The following ATXN1 variants were observed in gnomAD, a reference collection of about 807,000 sequenced individuals.
The protein encoded by ATXN1 is ataxin 1.
A neutral mutation model predicts 56.4 loss-of-function variants in ATXN1; 8 were observed. That is an observed-to-expected ratio of 0.14 (90% CI 0.08 to 0.26). The LOEUF (loss-of-function observed/expected upper bound fraction) is 0.26. ATXN1 is among the 10% of genes least tolerant of loss of function. The probability of loss-of-function intolerance (pLI) is 1.00; values close to 1 mark genes in which losing one functional copy is unlikely to be tolerated. For missense variants in ATXN1, 987 were observed against 1,106.5 expected (o/e 0.89, Z 1.53); for synonymous variants, 514 against 494.6 (o/e 1.04, Z -0.52).
At chr6:16,509,772 C>T (rs879685307) in intron 5 of ATXN1, among the ~76,000 whole-genome samples, 1 of 152,188 alleles carries the variant, frequency 6.6e-6, no homozygotes, top group Non-Finnish European at 1.5e-5. Flanking sequence ...TTCCTCTTCG[C>T]TTCCTGAATT....
intron 5 of ATXN1, among the ~76,000 whole-genome samples, chr6:16,521,827 A>G (rs1761296916): frequency 6.6e-6 from 1 of 152,210 alleles, no homozygotes; most frequent in Admixed American, 6.5e-5. Flanking sequence ...GCAGAAGAAA[A>G]TAAGCTTTCT....
chr6:16,738,163 G>A (rs183671616), intron 2 of ATXN1: 6 of 152,316 alleles, frequency 3.9e-5, no homozygotes, highest in Admixed American at 2.0e-4. Context: ...CATTTGCAGC[G>A]AATCCAGGAC....
intron 2 of ATXN1, among the ~76,000 whole-genome samples, chr6:16,661,761 G>A (rs10949374): frequency 0.12 from 18,938 of 152,148 alleles, 1,486 homozygotes; most frequent in East Asian, 0.32. Context: ...GCAGTCCTGT[G>A]GAAGGGCCCA....
intron 4 of ATXN1, among the ~76,000 whole-genome samples, chr6:16,569,750 T>C (rs138573527): frequency 0.02 from 3,085 of 152,196 alleles, 111 homozygotes; most frequent in Admixed American, 0.093. Context: ...AGGCTGACAA[T>C]TCTCCACTTT....
intron 6 of ATXN1, among the ~76,000 whole-genome samples, chr6:16,427,363 C>T (rs1759179097): frequency 6.6e-6 from 1 of 152,194 alleles, no homozygotes; most frequent in South Asian, 2.1e-4. Context: ...GACATTCAGA[C>T]ATTGCCAACT....
At chr6:16,758,872 A>G (rs191198080) in intron 1 of ATXN1, among the ~76,000 whole-genome samples, 4 of 152,328 alleles carry the variant, frequency 2.6e-5, no homozygotes, top group African/African-American at 4.8e-5. Context: ...GAGGGCAATC[A>G]GAGGAGATTA....
chr6:16,490,076 T>C (rs1760630381), intron 5 of ATXN1, among the ~76,000 whole-genome samples: 1 of 150,726 alleles, frequency 6.6e-6, no homozygotes, highest in Admixed American at 6.6e-5. Flanking sequence ...TTAATCACCA[T>C]TTGATAGCTA....
intron 7 of ATXN1, among the ~76,000 whole-genome samples, chr6:16,320,695 C>T (rs2113397532): frequency 6.6e-6 from 1 of 152,226 alleles, no homozygotes; most frequent in East Asian, 1.9e-4. Context: ...GCCTGGGAGC[C>T]CTTGTTTCTG....
At chr6:16,348,496 C>T (rs1041722457) in intron 6 of ATXN1, among the ~76,000 whole-genome samples, 2 of 151,926 alleles carry the variant, frequency 1.3e-5, no homozygotes, top group African/African-American at 2.4e-5. Context: ...ATCCAGAGTT[C>T]GAGACCAGCC....
chr6:16,497,178 C>T (rs1561726641), intron 5 of ATXN1, among the ~76,000 whole-genome samples: 1 of 152,118 alleles, frequency 6.6e-6, no homozygotes, highest in African/African-American at 2.4e-5. Context: ...GGCAGAAAGT[C>T]TGCATTTATA....
At position 16,561,188 on chromosome 6, in the gene ATXN1, T is replaced by C. The variant is rs59545339; in HGVS notation, c.-361+24592A>G. Among the ~76,000 whole-genome samples, 337 of 152,248 alleles carry C rather than the reference T, an allele frequency of 2.2e-3. 1 individual carries two copies. The highest frequency in any genetic ancestry group is 7.6e-3 in the African/African-American group (315 of 41,542). On this transcript the variant is annotated intron_variant, in intron 4 of 7. Transcript: ENST00000436367. ...TATGCAGTATATCTGATACAAGAGATTGGAGGATCCATGAGTTCATTCTGG... is the reference window on the plus strand; with the variant it reads ...TATGCAGTATATCTGATACAAGAGACTGGAGGATCCATGAGTTCATTCTGG...
chr6:16,745,665 T>G (rs1334016528), intron 2 of ATXN1, among the ~76,000 whole-genome samples: 1 of 152,204 alleles, frequency 6.6e-6, no homozygotes, highest in Non-Finnish European at 1.5e-5. Context: ...CACTCTTTTC[T>G]GTAGAGCAGA....
intron 3 of ATXN1, among the ~76,000 whole-genome samples, chr6:16,647,005 GTTTGT>G (rs1163558579): frequency 6.6e-6 from 1 of 151,816 alleles, no homozygotes; most frequent in East Asian, 1.9e-4. Context: ...TTGTTTGTTT[GTTTGT>G]TTTGTTTTTT....
In ATXN1 at chr6:16,581,427, G is replaced by A. The variant is rs7746500; in HGVS notation, c.-361+4353C>T. Among the ~76,000 whole-genome samples the A allele has an allele frequency of 1.1e-4, 16 of 151,928 alleles. 1 individual carries two copies. The highest frequency in any genetic ancestry group is 1.8e-4 in the Non-Finnish European group (12 of 68,004). On this transcript the variant is annotated intron_variant, in intron 4 of 7. Coordinates refer to ENST00000436367, the MANE Select transcript of ATXN1 (RefSeq NM_001128164.2). ...AAGGTTCGTCAAAGACAGTAAATCC[G>A]AAGCTAAAAATGCAGCCTTTACCAA...
At chr6:16,539,548 G>A (rs1761671901) in intron 4 of ATXN1, among the ~76,000 whole-genome samples, 1 of 152,130 alleles carries the variant, frequency 6.6e-6, no homozygotes, top group Admixed American at 6.5e-5. Context: ...AGATATGGGT[G>A]GCCTCAGAGC....
intron 4 of ATXN1, among the ~76,000 whole-genome samples, chr6:16,526,078 CTATT>C (rs1761389819): frequency 1.7e-5 from 2 of 116,420 alleles, no homozygotes; most frequent in African/African-American, 8.3e-5. Context: ...TACATACAAT[CTATT>C]TATAATGTAC....
At chr6:16,499,759 C>T (rs952648642) in intron 5 of ATXN1, among the ~76,000 whole-genome samples, 1 of 152,172 alleles carries the variant, frequency 6.6e-6, no homozygotes, top group Non-Finnish European at 1.5e-5. Flanking sequence ...ATACCTAAGA[C>T]TCTGTTTATC....
chr6:16,473,069 T>C lies in ATXN1; in HGVS notation c.-161+12903A>G, dbSNP rs754529662. Reference sequence around the variant, plus strand: ...AAGGTGTCCCTCAAGGAAAAGAGCATAGGAATGAAGGCTGCCTGCCCTACT... The same window carrying C: ...AAGGTGTCCCTCAAGGAAAAGAGCACAGGAATGAAGGCTGCCTGCCCTACT... On this transcript the variant is annotated intron_variant, in intron 6 of 7. Transcript: ENST00000436367. Among the ~76,000 whole-genome samples, 3 of 152,184 alleles carry C rather than the reference T, an allele frequency of 2.0e-5. No individual in the cohort carries two copies. In the South Asian group the frequency reaches 6.2e-4, roughly 31 times the overall value.
chr6:16,378,924 G>A (rs550778729), intron 6 of ATXN1, among the ~76,000 whole-genome samples: 1 of 152,270 alleles, frequency 6.6e-6, no homozygotes, highest in East Asian at 1.9e-4. Flanking sequence ...TATCTACCCA[G>A]AGGAAAATAA....
Sources: gnomAD v4.1 joint callset for allele counts (sites outside exome capture counted in the v4.1 genomes callset) on GRCh38, gnomAD v4.1.1 for gene constraint, MANE v1.5 for transcripts, NCBI Gene and HGNC (gene_info 2026-07-23, HGNC 2026-07-21) for gene names.